The following RBFOX1 variants were observed in gnomAD, a reference collection of about 807,000 sequenced individuals.
The protein encoded by RBFOX1 is RNA binding protein fox-1 homolog 1.
A neutral mutation model predicts 57.7 loss-of-function variants in RBFOX1; 8 were observed. That is an observed-to-expected ratio of 0.14 (90% CI 0.08 to 0.25). The LOEUF (loss-of-function observed/expected upper bound fraction) is 0.25, where lower values mean the gene tolerates loss of function less well. Among genes scored for constraint, RBFOX1 ranks in the 10% least tolerant of loss-of-function variants. The pLI is 1.00. For missense variants in RBFOX1, 611 were observed against 548.5 expected, an observed-to-expected ratio of 1.11 and a Z score of -1.14; for synonymous variants, 326 against 222.4, an observed-to-expected ratio of 1.47 and a Z score of -4.15.
chr16:5,461,384 G>A (rs2068783232), intron 1 of RBFOX1, among the ~76,000 whole-genome samples: 1 of 152,138 alleles, frequency 6.6e-6, no homozygotes, highest in Admixed American at 6.5e-5. Flanking sequence ...TTCTAGACTT[G>A]GAGAGGCGAG....
chr16:7,013,565 G>T (rs192411891), intron 3 of RBFOX1, among the ~76,000 whole-genome samples: 1 of 152,196 alleles, frequency 6.6e-6, no homozygotes, highest in Admixed American at 6.5e-5. Context: ...TGCTGATGTT[G>T]AGAAACTCTG....
chr16:6,565,582 C>G (rs2097253244), intron 2 of RBFOX1, among the ~76,000 whole-genome samples: 1 of 150,520 alleles, frequency 6.6e-6, no homozygotes, highest in South Asian at 2.1e-4. Flanking sequence ...ATTCTCCTGC[C>G]TCAGCCTCCC....
At chr16:6,455,421 A>T (rs921622461) in intron 2 of RBFOX1, among the ~76,000 whole-genome samples, 3 of 152,130 alleles carry the variant, frequency 2.0e-5, no homozygotes, top group African/African-American at 7.2e-5. Flanking sequence ...CATTTCCTCT[A>T]CACCCAACCT....
chr16:6,546,926 A>C (rs1359283821), intron 2 of RBFOX1, among the ~76,000 whole-genome samples: 1 of 152,178 alleles, frequency 6.6e-6, no homozygotes, highest in African/African-American at 2.4e-5. Context: ...TCAAACCCTT[A>C]AATCAAAGTG....
At chr16:7,068,825 G>C (rs1196349704) in intron 4 of RBFOX1, among the ~76,000 whole-genome samples, 1 of 152,328 alleles carries the variant, frequency 6.6e-6, no homozygotes, top group East Asian at 1.9e-4. Context: ...CAGACCTCAA[G>C]TGGTCCACCT....
At chr16:7,698,408 C>T (rs1017871115) in intron 14 of RBFOX1, among the ~76,000 whole-genome samples, 5 of 152,016 alleles carry the variant, frequency 3.3e-5, no homozygotes, top group Admixed American at 1.3e-4. Context: ...GAACAATCTG[C>T]AAAAGCTGTT....
rs543370121 is a variant in RBFOX1, at chr16:7,392,410, C to G, written c.28-125737C>G. ...CTACTTGAGGAAATGCCTTGGTCAT[C>G]AAAAAGTGTCTGGCTCCTAGTAGGT... is the stretch of plus-strand genomic sequence containing the variant. On this transcript the variant is annotated intron_variant, in intron 4 of 15. Coordinates refer to ENST00000550418, the MANE Select transcript of RBFOX1 (RefSeq NM_018723.4). 4.6e-5 allele frequency among the ~76,000 whole-genome samples: 7 copies of G among 152,242 alleles called. No homozygotes were observed. In the East Asian group the frequency reaches 9.7e-4, roughly 21 times the overall value.
intron 2 of RBFOX1, among the ~76,000 whole-genome samples, chr16:5,521,863 C>G (rs984687777): frequency 1.3e-5 from 2 of 152,158 alleles, no homozygotes; most frequent in African/African-American, 2.4e-5. Context: ...TAGCTTTTGT[C>G]CAGAACTTGA....
intron 4 of RBFOX1, among the ~76,000 whole-genome samples, chr16:7,459,030 A>G (rs1306689375): frequency 2.0e-5 from 3 of 152,106 alleles, no homozygotes; most frequent in Non-Finnish European, 1.5e-5. Flanking sequence ...GGGTGAATGG[A>G]TGGATGAATG....
At chr16:5,746,038 C>G (rs1597077512) in intron 3 of RBFOX1, among the ~76,000 whole-genome samples, 2 of 152,152 alleles carry the variant, frequency 1.3e-5, no homozygotes, top group African/African-American at 4.8e-5. Flanking sequence ...AATGGTAATG[C>G]CTAGGTTTTC....
chr16:6,023,462 C>A (rs995969984), intron 1 of RBFOX1, among the ~76,000 whole-genome samples: 1 of 152,266 alleles, frequency 6.6e-6, no homozygotes, highest in African/African-American at 2.4e-5. Context: ...TGGGTCTGCC[C>A]TGTATAGGAA....
At chr16:5,460,166 T>A (rs952644602) in intron 1 of RBFOX1, among the ~76,000 whole-genome samples, 20 of 152,106 alleles carry the variant, frequency 1.3e-4, no homozygotes, top group African/African-American at 4.8e-4. Flanking sequence ...AATGAGAACC[T>A]CAGGTATATG....
chr16:6,856,708 G>A (rs891843339), intron 3 of RBFOX1, among the ~76,000 whole-genome samples: 1 of 151,956 alleles, frequency 6.6e-6, no homozygotes, highest in African/African-American at 2.4e-5. Flanking sequence ...AAGTAAAGTG[G>A]TTATCTCAAT....
At chr16:6,831,547 T>C (rs980616461) in intron 3 of RBFOX1, among the ~76,000 whole-genome samples, 1 of 152,220 alleles carries the variant, frequency 6.6e-6, no homozygotes, top group South Asian at 2.1e-4. Context: ...GAACATTACA[T>C]CTAAAGATGG....
At chr16:5,705,531 A>G (rs1258037971) in intron 3 of RBFOX1, among the ~76,000 whole-genome samples, 1 of 152,232 alleles carries the variant, frequency 6.6e-6, no homozygotes, top group Non-Finnish European at 1.5e-5. Flanking sequence ...ACACCTCTGT[A>G]ATCACGAGCG....
chr16:5,960,962 A>G (rs2059735956), intron 4 of RBFOX1, among the ~76,000 whole-genome samples: 1 of 152,126 alleles, frequency 6.6e-6, no homozygotes, highest in African/African-American at 2.4e-5. Context: ...CAAGATGGCC[A>G]GAAGACAGCA....
intron 14 of RBFOX1, among the ~76,000 whole-genome samples, chr16:7,708,834 G>T (rs1315857770): frequency 1.3e-5 from 2 of 152,184 alleles, no homozygotes; most frequent in Non-Finnish European, 2.9e-5. Flanking sequence ...GTGTATATAT[G>T]TATTTATCTG....
At chr16:6,972,189 C>T (rs1054435551) in intron 3 of RBFOX1, among the ~76,000 whole-genome samples, 1 of 148,938 alleles carries the variant, frequency 6.7e-6, no homozygotes, top group Non-Finnish European at 1.5e-5. Context: ...TGATAGAGAT[C>T]ACGAAAGCTT....
At chr16:5,930,135 G>C (rs866621703) in intron 4 of RBFOX1, among the ~76,000 whole-genome samples, 2 of 151,380 alleles carry the variant, frequency 1.3e-5, no homozygotes, top group East Asian at 2.0e-4. Flanking sequence ...GCCTCCAGGG[G>C]CATCTGTGTT....
Sources: allele counts gnomAD v4.1 joint callset (sites outside exome capture counted in the v4.1 genomes callset), GRCh38; gene constraint gnomAD v4.1.1; transcripts MANE v1.5; gene names NCBI Gene and HGNC (gene_info 2026-07-23, HGNC 2026-07-21).